ANKS1B: variants seen among roughly 807,000 people sequenced by gnomAD.
ANKS1B encodes the protein ankyrin repeat and sterile alpha motif domain containing 1B.
In ANKS1B, 36 loss-of-function variants were observed where a neutral mutation model predicts 148.3. That is an observed-to-expected ratio of 0.24 (90% CI 0.19 to 0.32). The LOEUF (loss-of-function observed/expected upper bound fraction) is 0.32, where lower values mean the gene tolerates loss of function less well. ANKS1B is among the 10% of genes least tolerant of loss of function. ANKS1B has a pLI of 1.00. For synonymous variants in ANKS1B, 542 were observed against 560.8 expected, an observed-to-expected ratio of 0.97 and a Z score of 0.47; for missense variants, 1,157 against 1,542.6, an observed-to-expected ratio of 0.75 and a Z score of 4.19.
intron 9 of ANKS1B, among the ~76,000 whole-genome samples, chr12:99,639,303 A>G (rs905836155): frequency 2.6e-5 from 4 of 152,228 alleles, no homozygotes; most frequent in African/African-American, 9.6e-5. Flanking sequence ...CCCATTGTAT[A>G]CAGGAAGTAA....
intron 16 of ANKS1B, among the ~76,000 whole-genome samples, chr12:99,069,093 A>G (rs974520987): frequency 2.6e-5 from 4 of 152,228 alleles, no homozygotes; most frequent in African/African-American, 4.8e-5. Context: ...TGAAATGAAT[A>G]GACAGTCTGA....
At chr12:99,796,175 T>G (rs774304314) in intron 4 of ANKS1B, among the ~76,000 whole-genome samples, 3 of 151,892 alleles carry the variant, frequency 2.0e-5, no homozygotes, top group Non-Finnish European at 4.4e-5. Flanking sequence ...GGGCTACCAA[T>G]AGGCAAGTAG....
chr12:98,836,492 A>G (rs2099364140), intron 17 of ANKS1B, among the ~76,000 whole-genome samples: 1 of 152,196 alleles, frequency 6.6e-6, no homozygotes, highest in Non-Finnish European at 1.5e-5. Context: ...TGGCAAAACA[A>G]TAACAGAGAG....
intron 8 of ANKS1B, among the ~76,000 whole-genome samples, chr12:99,672,367 A>C (rs2098542070): frequency 6.6e-6 from 1 of 152,086 alleles, no homozygotes; most frequent in Admixed American, 6.6e-5. Flanking sequence ...TCATCTATGG[A>C]TTTCCATATC....
intron 14 of ANKS1B, chr12:99,155,218 T>C (rs777156114): frequency 1.7e-4 from 187 of 1,073,226 alleles, no homozygotes; most frequent in Non-Finnish European, 2.2e-4. Context: ...TCTTTTCTTC[T>C]TCCTTTTTAA....
intron 1 of ANKS1B, among the ~76,000 whole-genome samples, chr12:99,846,806 T>A (rs999485111): frequency 3.9e-5 from 6 of 152,074 alleles, no homozygotes; most frequent in Non-Finnish European, 5.9e-5. Flanking sequence ...TATAAAGATA[T>A]GAGAAATCTT....
intron 17 of ANKS1B, among the ~76,000 whole-genome samples, chr12:98,835,122 A>G (rs1432009209): frequency 1.3e-5 from 2 of 148,666 alleles, no homozygotes; most frequent in African/African-American, 2.6e-5. Context: ...TATTATTATT[A>G]TTATTTACAA....
chr12:99,754,249 CA>C (rs1393544905), intron 8 of ANKS1B, among the ~76,000 whole-genome samples: 1 of 151,908 alleles, frequency 6.6e-6, no homozygotes, highest in Non-Finnish European at 1.5e-5. Flanking sequence ...TAACAAAGAT[CA>C]AAAAAGACAA....
chr12:99,673,424 G>C (rs1347967051), intron 8 of ANKS1B, among the ~76,000 whole-genome samples: 1 of 151,820 alleles, frequency 6.6e-6, no homozygotes, highest in Non-Finnish European at 1.5e-5. Flanking sequence ...AGAAAACAAA[G>C]AAAATTTAAA....
Position 98,745,052 on chromosome 12 carries a change from T to C in ANKS1B, c.*687A>G, listed in dbSNP as rs1240255388. The C allele has an allele frequency of 2.0e-6, 2 of 985,138 alleles. No individual in the cohort carries two copies. The highest frequency in any genetic ancestry group is 3.5e-5 in the African/African-American group (2 of 57,228). 61.0% of individuals were successfully genotyped at this position (985,138 alleles called of 1,614,324 possible). A position where few individuals can be genotyped will look rare whatever the true frequency, so the allele number is the denominator to read the frequency against. ...ACATTCTTTTAATAAAAATATTTAA[T>C]ACAAGACACATTTTGCTGTGCATAA... On this transcript the variant is annotated 3_prime_UTR_variant, in exon 27 of 27. Coordinates refer to ENST00000683438, the MANE Select transcript of ANKS1B (RefSeq NM_001352186.2).
intron 14 of ANKS1B, among the ~76,000 whole-genome samples, chr12:99,223,931 A>C (rs73377353): frequency 0.074 from 11,241 of 152,226 alleles, 1,376 homozygotes; most frequent in African/African-American, 0.26. Flanking sequence ...TCGTTGTCAT[A>C]CTTCATTGTC....
intron 10 of ANKS1B, among the ~76,000 whole-genome samples, chr12:99,460,494 G>A (rs1256426183): frequency 1.3e-5 from 2 of 152,026 alleles, no homozygotes; most frequent in Non-Finnish European, 2.9e-5. Context: ...CAGAGTGGGA[G>A]AAAATCTTCA....
chr12:99,536,752 T>C (rs1596540728), intron 9 of ANKS1B, among the ~76,000 whole-genome samples: 1 of 152,176 alleles, frequency 6.6e-6, no homozygotes, highest in East Asian at 1.9e-4. Flanking sequence ...CATTTACCCA[T>C]TGAGTTTCAA....
intron 9 of ANKS1B, among the ~76,000 whole-genome samples, chr12:99,622,374 C>A (rs1316626368): frequency 1.3e-5 from 2 of 151,422 alleles, no homozygotes; most frequent in East Asian, 1.9e-4. Flanking sequence ...TAGCAGAAAA[C>A]AAGAAATAAC....
intron 8 of ANKS1B, among the ~76,000 whole-genome samples, chr12:99,698,817 T>G (rs1288445722): frequency 6.6e-6 from 1 of 152,174 alleles, no homozygotes; most frequent in Admixed American, 6.5e-5. Context: ...TATAATAAAT[T>G]ACCATCGATT....
At chr12:99,201,137 A>T (rs985608968) in intron 14 of ANKS1B, among the ~76,000 whole-genome samples, 1 of 152,162 alleles carries the variant, frequency 6.6e-6, no homozygotes, top group African/African-American at 2.4e-5. Context: ...GTGGCAGGAA[A>T]TAAGCAAGAG....
At chr12:99,499,633 C>A (rs2096636795) in intron 10 of ANKS1B, among the ~76,000 whole-genome samples, 1 of 152,032 alleles carries the variant, frequency 6.6e-6, no homozygotes, top group South Asian at 2.1e-4. Flanking sequence ...CCAACACAGA[C>A]CACGAGAAAG....
intron 12 of ANKS1B, among the ~76,000 whole-genome samples, chr12:99,379,213 G>A (rs537224049): frequency 2.6e-5 from 4 of 152,314 alleles, no homozygotes; most frequent in East Asian, 1.9e-4. Flanking sequence ...TTTAATAAGC[G>A]AAAGTGGTAT....
At chr12:99,732,985 A>G (rs2059308246) in intron 8 of ANKS1B, among the ~76,000 whole-genome samples, 1 of 151,496 alleles carries the variant, frequency 6.6e-6, no homozygotes, top group Admixed American at 6.6e-5. Context: ...TAATTATCAT[A>G]CTATTTCACA....
Sources: allele counts gnomAD v4.1 joint callset (sites outside exome capture counted in the v4.1 genomes callset), GRCh38; gene constraint gnomAD v4.1.1; transcripts MANE v1.5; gene names NCBI Gene and HGNC (gene_info 2026-07-23, HGNC 2026-07-21).